The following MERTK variants were observed in gnomAD, a reference collection of about 807,000 sequenced individuals.
MERTK encodes the protein tyrosine-protein kinase Mer.
Under a neutral mutation model 99.3 loss-of-function variants are expected in MERTK, and 69 were observed. That is an observed-to-expected ratio of 0.70 (90% CI 0.57 to 0.85). MERTK has a LOEUF of 0.85. Ranked by LOEUF, MERTK falls within the 40% of genes least tolerant of loss-of-function variation. MERTK has a pLI of 0.00. For missense variants in MERTK, 1,125 were observed against 1,249.4 expected, an observed-to-expected ratio of 0.90 and a Z score of 1.50; for synonymous variants, 426 against 467.6, an observed-to-expected ratio of 0.91 and a Z score of 1.15.
In MERTK at chr2:111,970,077, C is replaced by T. The variant is rs145508648; in HGVS notation, c.960+1825C>T. On this transcript the variant is annotated intron_variant, in intron 6 of 18. Transcript: ENST00000295408. ...CACTGGTAAGTGTTAGGAATTCTTA[C>T]TGCATCTACAATTCCTCACCAGGAA... Among the ~76,000 whole-genome samples, 952 of 152,092 alleles carry T rather than the reference C, an allele frequency of 6.3e-3. 11 individuals carry two copies. Among genetic ancestry groups the T allele is most frequent in the African/African-American group, 0.022 (918 of 41,464 alleles).
chr2:112,001,402 T>A lies in MERTK; in HGVS notation c.1690+116T>A, dbSNP rs1317717547. On this transcript the variant is annotated intron_variant, in intron 11 of 18. Transcript: ENST00000295408. ...GATGTCGAAGAAGAATGGATATTTT[T>A]AATGTACAAAATGTCTTTAAAAGCA... 4.7e-6 allele frequency: 4 copies of A among 857,424 alleles called. No individual in the cohort carries two copies. In the African/African-American group the frequency reaches 6.7e-5, roughly 14 times the overall value. 53.1% of individuals were successfully genotyped at this position (857,424 alleles called of 1,614,324 possible).
At chr2:111,944,918 A>C (rs905914106) in intron 2 of MERTK, 42 bp from the exon 3 acceptor site, 2 of 1,516,490 alleles carry the variant, frequency 1.3e-6, no homozygotes, top group Admixed American at 3.3e-5. Context: ...AGGAACTCAA[A>C]GGGTAGTCAC....
chr2:112,021,320 T>G, intron 16 of MERTK, 102 bp from the exon 17 acceptor site: 7 of 1,549,124 alleles, frequency 4.5e-6, no homozygotes, highest in Non-Finnish European at 6.2e-6. Context: ...CTCTGTGTTC[T>G]TTTGGTCAAT....
chr2:111,951,874 A>G (rs1685064354), intron 4 of MERTK, among the ~76,000 whole-genome samples: 1 of 152,096 alleles, frequency 6.6e-6, no homozygotes, highest in South Asian at 2.1e-4. Flanking sequence ...TTTCCCAATT[A>G]TTTACTATTA....
In MERTK at chr2:111,939,476, C is replaced by CTTAA. The variant is rs568153854; in HGVS notation, c.483-5465_483-5462dup. On this transcript the variant is annotated intron_variant, in intron 2 of 18. Coordinates refer to ENST00000295408, the MANE Select transcript of MERTK (RefSeq NM_006343.3). ...AGCCATAGCACTTAAGGACTTAGCA[C>CTTAA]TTAATTAATTAATTAATTAATTTGA... Among the ~76,000 whole-genome samples the CTTAA allele has an allele frequency of 2.4e-4, 36 of 151,736 alleles. No homozygotes were observed. In the East Asian group the frequency reaches 4.1e-3, roughly 17 times the overall value.
intron 18 of MERTK, chr2:112,026,305 A>T (rs1677459203): frequency 6.6e-6 from 1 of 152,424 alleles, no homozygotes; most frequent in Non-Finnish European, 1.5e-5. Context: ...TATTGATACT[A>T]TTCTACTTGG....
chr2:111,928,050 T>C (rs1317291410), intron 1 of MERTK, among the ~76,000 whole-genome samples: 1 of 152,152 alleles, frequency 6.6e-6, no homozygotes, highest in Non-Finnish European at 1.5e-5. Context: ...TCAGAAACCA[T>C]CTAAAATACT....
chr2:111,917,800 G>A (rs761300008), intron 1 of MERTK, among the ~76,000 whole-genome samples: 2 of 151,562 alleles, frequency 1.3e-5, no homozygotes, highest in Non-Finnish European at 2.9e-5. Context: ...CAGGAGAATC[G>A]CTTAAACCTG....
chr2:111,906,193 C>T (rs1684133723), intron 1 of MERTK, among the ~76,000 whole-genome samples: 1 of 152,216 alleles, frequency 6.6e-6, no homozygotes. Flanking sequence ...CTCAGGTTGG[C>T]ACTTATGCAA....
At chr2:111,956,961 T>TTA (rs398042576) in intron 4 of MERTK, among the ~76,000 whole-genome samples, 1 of 150,436 alleles carries the variant, frequency 6.6e-6, no homozygotes, top group Non-Finnish European at 1.5e-5. Flanking sequence ...TTTTTTTTTT[T>TTA]ATGTCACCCA....
chr2:111,899,331 A>G (rs2311812), intron 1 of MERTK, among the ~76,000 whole-genome samples: 71,485 of 151,892 alleles, frequency 0.47, 17,381 homozygotes, highest in East Asian at 0.73. Flanking sequence ...GCGACGGGCC[A>G]GGGGGGGACG....
At chr2:111,910,338 C>T (rs1684219370) in intron 1 of MERTK, among the ~76,000 whole-genome samples, 1 of 151,264 alleles carries the variant, frequency 6.6e-6, no homozygotes, top group African/African-American at 2.4e-5. Context: ...GGCATGATCT[C>T]AGCTCACTGC....
intron 4 of MERTK, among the ~76,000 whole-genome samples, chr2:111,963,278 A>G (rs1558788108): frequency 2.0e-5 from 3 of 152,220 alleles, no homozygotes. Flanking sequence ...GGGGTTTTAT[A>G]CGGAGACATT....
At chr2:112,028,265 T>C in intron 18 of MERTK, 86 bp from the exon 19 acceptor site, 4 of 1,407,284 alleles carry the variant, frequency 2.8e-6, no homozygotes, top group Non-Finnish European at 4.0e-6. Flanking sequence ...TAAAATGTGA[T>C]AAAGATTCTG....
chr2:111,945,057 C>G lies in MERTK; in HGVS notation c.580C>G (p.Gln194Glu). The part of the protein sequence containing the change: ...IVSDPIYIEV[Q>E]GLPHFTKQPE... ...GTCTGATCCCATCTACATCGAAGTA[C>G]AAGGTAAGTCCACAGACCAGAGTCC... The change falls in exon 3 of 19, where the codon CAA (glutamine) becomes GAA (glutamate). Residue 194 changes from glutamine to glutamate, a missense_variant. Gln to Glu is a conservative substitution (Grantham distance 29, BLOSUM62 2). Transcript: ENST00000295408. 2 of 1,611,122 alleles carry G rather than the reference C, an allele frequency of 1.2e-6. No individual in the cohort carries two copies. Among genetic ancestry groups the G allele is most frequent in the Non-Finnish European group, 1.7e-6 (2 of 1,177,596 alleles).
chr2:111,932,662 G>A (rs542335130), intron 2 of MERTK, among the ~76,000 whole-genome samples: 1 of 152,354 alleles, frequency 6.6e-6, no homozygotes, highest in South Asian at 2.1e-4. Flanking sequence ...CAGCTTAACA[G>A]TTAAAGATGG....
At chr2:112,020,682 A>G (rs201033139) in intron 16 of MERTK, 43 of 470,922 alleles carry the variant, frequency 9.1e-5, no homozygotes, top group Non-Finnish European at 1.6e-4. Flanking sequence ...CCAAACTCTC[A>G]GGGGGCTTAC....
rs747244747 is a variant in MERTK at position 111,982,969 on chromosome 2, C to G, written c.1272C>G (p.His424Gln). Residue 424 changes from histidine (H) to glutamine (Q), a missense_variant, in exon 8 of 19, where the codon CAC becomes CAG. Transcript: ENST00000295408. Reference protein sequence around the residue: ...DGELVGYRISHVWQSAGISKE... With the variant: ...DGELVGYRISQVWQSAGISKE... ...AACTGGTGGGCTACCGGATATCCCA[C>G]GTGTGGCAGAGTGCAGGGATTTCCG... 5.6e-6 allele frequency: 9 copies of G among 1,613,968 alleles called. No homozygotes were observed. The East Asian group carries it at 1.6e-4, about 28-fold the overall frequency.
intron 15 of MERTK, 59 bp from the exon 16 acceptor site, chr2:112,019,354 T>G: frequency 1.4e-5 from 18 of 1,283,358 alleles, no homozygotes; most frequent in African/African-American, 2.9e-5. Context: ...CGGCAGAAAC[T>G]GCTTGCAAGT....
Sources: allele counts gnomAD v4.1 joint callset (sites outside exome capture counted in the v4.1 genomes callset), GRCh38; gene constraint gnomAD v4.1.1; transcripts MANE v1.5; gene names NCBI Gene and HGNC (gene_info 2026-07-23, HGNC 2026-07-21).